The following KLF7 variants were observed in gnomAD, a reference collection of about 807,000 sequenced individuals.
The protein encoded by KLF7 is Krueppel-like factor 7.
In KLF7, 2 loss-of-function variants were observed where a neutral mutation model predicts 27.3. The observed-to-expected ratio is 0.07, with a 90% CI of 0.03 to 0.23. The LOEUF (loss-of-function observed/expected upper bound fraction) is 0.23. KLF7 is among the 10% of genes least tolerant of loss of function. The probability of loss-of-function intolerance (pLI) is 1.00; values close to 1 mark genes in which losing one functional copy is unlikely to be tolerated. For missense variants in KLF7, 221 were observed against 394.1 expected (o/e 0.56, Z 3.72); for synonymous variants, 165 against 162.4 (o/e 1.02, Z -0.12).
At chr2:207,095,018 A>G (rs978464160) in intron 2 of KLF7, among the ~76,000 whole-genome samples, 3 of 83,044 alleles carry the variant, frequency 3.6e-5, no homozygotes, top group Non-Finnish European at 8.0e-5. Flanking sequence ...CATTTGCCCT[A>G]TTTGTTTTTA....
chr2:207,113,034 G>A (rs1365137762), intron 2 of KLF7, among the ~76,000 whole-genome samples: 1 of 152,100 alleles, frequency 6.6e-6, no homozygotes, highest in Non-Finnish European at 1.5e-5. Context: ...AAAACAATCG[G>A]GAAAATCCCA....
In KLF7 at chr2:207,075,647, T is replaced by C. The variant is rs1574397440; in HGVS notation, c.*5566A>G. 1 of 145,252 alleles carries C rather than the reference T, an allele frequency of 6.9e-6. No individual in the cohort carries two copies. Among genetic ancestry groups the C allele is most frequent in the Admixed American group, 7.0e-5 (1 of 14,354 alleles). 9.0% of individuals were successfully genotyped at this position (145,252 alleles called of 1,614,324 possible). ...CAGTGGCTGGGAAGTTGTGTGGGAG[T>C]AGGAAGTGGGAGAAGGAGCTTGACG... On this transcript the variant is annotated 3_prime_UTR_variant, in exon 4 of 4. Transcript: ENST00000309446.
chr2:207,131,810 G>C (rs1287522675), intron 1 of KLF7, among the ~76,000 whole-genome samples: 1 of 152,204 alleles, frequency 6.6e-6, no homozygotes, highest in Non-Finnish European at 1.5e-5. Context: ...TTTTTGACAG[G>C]AGTTGGAGGA....
intron 3 of KLF7, among the ~76,000 whole-genome samples, chr2:207,081,997 T>C (rs1424148101): frequency 6.6e-6 from 1 of 151,360 alleles, no homozygotes; most frequent in Non-Finnish European, 1.5e-5. Flanking sequence ...TTTGTGTGTG[T>C]GTGTGTTGGG....
chr2:207,082,888 T>G (rs771661625), intron 3 of KLF7, among the ~76,000 whole-genome samples: 1 of 152,064 alleles, frequency 6.6e-6, no homozygotes, highest in African/African-American at 2.4e-5. Flanking sequence ...CCACACCCCC[T>G]GTTTGTGTCC....
chr2:207,118,809 T>G (rs2077259484), intron 2 of KLF7, among the ~76,000 whole-genome samples: 1 of 152,248 alleles, frequency 6.6e-6, no homozygotes, highest in Non-Finnish European at 1.5e-5. Context: ...AAATAAACTG[T>G]ATTTCAAACT....
Position 207,075,706 on chromosome 2 carries a change from G to A in KLF7, c.*5507C>T, listed in dbSNP as rs1421492358. On this transcript the variant is annotated 3_prime_UTR_variant, in exon 4 of 4. Transcript: ENST00000309446. The stretch of plus-strand genomic sequence containing the variant: ...GGTGGGGGCTTGTGGAAAGGAAGGG[G>A]AGGCTTCAAAAACATTAGACATTTA... 1.3e-5 allele frequency: 2 copies of A among 152,182 alleles called. No individual in the cohort carries two copies. Among genetic ancestry groups the A allele is most frequent in the Non-Finnish European group, 1.5e-5 (1 of 68,018 alleles). 9.4% of individuals were successfully genotyped at this position (152,182 alleles called of 1,614,324 possible).
At chr2:207,102,815 C>T (rs1488740876) in intron 2 of KLF7, among the ~76,000 whole-genome samples, 2 of 152,192 alleles carry the variant, frequency 1.3e-5, no homozygotes, top group Admixed American at 6.5e-5. Context: ...AGCTTATGGC[C>T]ACCCAGAACA....
At chr2:207,133,481 G>A (rs1051609948) in intron 1 of KLF7, among the ~76,000 whole-genome samples, 1 of 152,182 alleles carries the variant, frequency 6.6e-6, no homozygotes, top group South Asian at 2.1e-4. Context: ...TAAGCAGTTC[G>A]TCAAGAGCCC....
intron 2 of KLF7, among the ~76,000 whole-genome samples, chr2:207,110,652 G>A (rs2077011408): frequency 1.3e-5 from 2 of 152,210 alleles, no homozygotes; most frequent in Admixed American, 6.5e-5. Flanking sequence ...TCACAATCAC[G>A]AATCTTCAAT....
At chr2:207,168,677 CA>C (rs2078763111), upstream of KLF7, among the ~76,000 whole-genome samples, 1 of 152,158 alleles carries the variant, frequency 6.6e-6, no homozygotes, top group Admixed American at 6.5e-5. Flanking sequence ...TTTTACAAAG[CA>C]AATACTGCAA....
At chr2:207,150,846 G>C (rs1349943859) in intron 1 of KLF7, among the ~76,000 whole-genome samples, 1 of 151,966 alleles carries the variant, frequency 6.6e-6, no homozygotes, top group Non-Finnish European at 1.5e-5. Flanking sequence ...TATATATTAA[G>C]GCTGCATGTG....
At chr2:207,118,363 C>T (rs2077245621) in intron 2 of KLF7, among the ~76,000 whole-genome samples, 1 of 152,152 alleles carries the variant, frequency 6.6e-6, no homozygotes, top group South Asian at 2.1e-4. Context: ...TTGTAATTTC[C>T]TTGTACTGCT....
intron 2 of KLF7, among the ~76,000 whole-genome samples, chr2:207,111,268 T>C (rs1400060766): frequency 6.6e-6 from 1 of 152,182 alleles, no homozygotes; most frequent in Non-Finnish European, 1.5e-5. Context: ...CTCCCATTCC[T>C]GCTATGCCCT....
intron 3 of KLF7, among the ~76,000 whole-genome samples, chr2:207,081,750 A>C (rs1018413110): frequency 1.3e-5 from 2 of 152,076 alleles, no homozygotes; most frequent in Non-Finnish European, 2.9e-5. Context: ...TGGAACTTTG[A>C]AATTTCAACA....
Position 207,156,287 on chromosome 2 carries a change from G to A in KLF7, c.102+9180C>T, listed in dbSNP as rs901689515. Among the ~76,000 whole-genome samples, 6 of 152,192 alleles carry A rather than the reference G, an allele frequency of 3.9e-5. No homozygotes were observed. The South Asian group carries it at 1.2e-3, about 31-fold the overall frequency. ...TACCACAGGAGCTAAGCCTTCTATGGGTGTGAAGGCAGCCTCCTTGCCGGA... is the reference window on the plus strand; with the variant it reads ...TACCACAGGAGCTAAGCCTTCTATGAGTGTGAAGGCAGCCTCCTTGCCGGA... On this transcript the variant is annotated intron_variant, in intron 1 of 3. Coordinates refer to ENST00000309446, the MANE Select transcript of KLF7 (RefSeq NM_003709.4).
In KLF7 at chr2:207,074,907, T is replaced by C. The variant is rs892881578; in HGVS notation, c.*6306A>G. ...GGGCATTGAGCTGCCTCAATGAAACTATAAAATACACACATACGCACACAC... is the reference window on the plus strand; with the variant it reads ...GGGCATTGAGCTGCCTCAATGAAACCATAAAATACACACATACGCACACAC... On this transcript the variant is annotated 3_prime_UTR_variant, in exon 4 of 4. Coordinates refer to ENST00000309446, the MANE Select transcript of KLF7 (RefSeq NM_003709.4). The C allele has an allele frequency of 6.6e-6, 1 of 152,144 alleles. No individual in the cohort carries two copies. Among genetic ancestry groups the C allele is most frequent in the African/African-American group, 2.4e-5 (1 of 41,424 alleles). 9.4% of individuals were successfully genotyped at this position (152,144 alleles called of 1,614,324 possible). A position where few individuals can be genotyped will look rare whatever the true frequency, so the allele number is the denominator to read the frequency against.
At chr2:207,095,242 G>T (rs2076602861) in intron 2 of KLF7, among the ~76,000 whole-genome samples, 1 of 151,718 alleles carries the variant, frequency 6.6e-6, no homozygotes, top group Admixed American at 6.6e-5. Flanking sequence ...TGGAGACAGG[G>T]TTTCACCGTG....
chr2:207,108,934 C>T (rs2076955314), intron 2 of KLF7, among the ~76,000 whole-genome samples: 1 of 152,162 alleles, frequency 6.6e-6, no homozygotes, highest in African/African-American at 2.4e-5. Context: ...GAGGAGCATA[C>T]AACTCATACA....
Sources: gnomAD v4.1 joint callset for allele counts (sites outside exome capture counted in the v4.1 genomes callset) on GRCh38, gnomAD v4.1.1 for gene constraint, MANE v1.5 for transcripts, NCBI Gene and HGNC (gene_info 2026-07-23, HGNC 2026-07-21) for gene names.